The following XYLT2 variants were observed in gnomAD, a reference collection of about 807,000 sequenced individuals.
XYLT2 encodes UDP-D-xylose:proteoglycan core protein beta-D-xylosyltransferase.
A neutral mutation model predicts 82.6 loss-of-function variants in XYLT2; 37 were observed. The observed-to-expected ratio is 0.45, with a 90% CI of 0.34 to 0.59. The LOEUF (loss-of-function observed/expected upper bound fraction) is 0.59. Ranked by LOEUF, XYLT2 falls within the 20% of genes least tolerant of loss-of-function variation. XYLT2 has a pLI of 0.01. For missense variants in XYLT2, 934 were observed against 1,181.3 expected, an observed-to-expected ratio of 0.79 and a Z score of 3.07; for synonymous variants, 474 against 499.0, an observed-to-expected ratio of 0.95 and a Z score of 0.67.
Position 50,346,173 on chromosome 17 carries a change from G to A in XYLT2, c.33G>A (p.Val11=), listed in dbSNP as rs1413981179. 3 of 1,287,164 alleles carry A rather than the reference G, an allele frequency of 2.3e-6. No individual in the cohort carries two copies. In the South Asian group the frequency reaches 4.4e-5, roughly 19 times the overall value. 79.7% of individuals were successfully genotyped at this position (1,287,164 alleles called of 1,614,324 possible). A position where few individuals can be genotyped will look rare whatever the true frequency, so the allele number is the denominator to read the frequency against. Residue 11 remains valine (V), a synonymous_variant, in exon 1 of 11, where the codon GTG becomes GTA. Transcript: ENST00000017003. The surrounding 1 kb of genome is among the most constrained non-coding windows in gnomAD (Gnocchi z 5.1). ...CGAGCGCGCGAGTGCAGAAGCTGGT[G>A]CGGCGCTACAAGCTGGCGATTGCCA... MVASARVQKL[V]RRYKLAIATA...
In XYLT2 at chr17:50,357,504, A is replaced by G. The variant is rs184144524; in HGVS notation, c.1941+252A>G. The G allele has an allele frequency of 5.1e-3, 2,236 of 440,966 alleles. 10 individuals carry two copies. Among genetic ancestry groups the G allele is most frequent in the Non-Finnish European group, 6.9e-3 (1,731 of 251,558 alleles). The allele number at this position is 440,966 out of a possible 1,614,324, so 27.3% of individuals were successfully genotyped here. On this transcript the variant is annotated intron_variant, in intron 9 of 10. Coordinates refer to ENST00000017003, the MANE Select transcript of XYLT2 (RefSeq NM_022167.4). ...TCAGTTCCACTACAACACAAGCCCA[A>G]TCTTCCAGACTACAGAGATTTCGCC...
At chr17:50,349,254 C>T (rs1320439142) in intron 1 of XYLT2, among the ~76,000 whole-genome samples, 3 of 152,238 alleles carry the variant, frequency 2.0e-5, no homozygotes, top group Non-Finnish European at 4.4e-5. Flanking sequence ...TCTTTCTCTG[C>T]TTGTGCTCTG....
Position 50,353,727 on chromosome 17 carries a change from A to T in XYLT2, c.233A>T (p.His78Leu). Residue 78 changes from histidine (H) to leucine (L), a missense_variant, in exon 2 of 11, where the codon CAT (histidine) becomes CTT (leucine). Coordinates refer to ENST00000017003, the MANE Select transcript of XYLT2 (RefSeq NM_022167.4). ...AGRRGSTGRR[H>L]GRWRGRAESP... The stretch of plus-strand genomic sequence containing the variant: ...CGACGGGGCAGCACAGGCAGAAGGC[A>T]TGGGCGCTGGCGGGGCCGTGCTGAG... 1 of 1,560,084 alleles carries T rather than the reference A, an allele frequency of 6.4e-7. No individual in the cohort carries two copies. The highest frequency in any genetic ancestry group is 8.7e-7 in the Non-Finnish European group (1 of 1,151,770).
Position 50,361,018 on chromosome 17 carries a change from T to TG in XYLT2, c.*729dup. 1 of 985,798 alleles carries TG rather than the reference T, an allele frequency of 1.0e-6. No homozygotes were observed. Among genetic ancestry groups the TG allele is most frequent in the Non-Finnish European group, 1.2e-6 (1 of 829,946 alleles). The allele number at this position is 985,798 out of a possible 1,614,324, so 61.1% of individuals were successfully genotyped here. On this transcript the variant is annotated 3_prime_UTR_variant, in exon 11 of 11. Transcript: ENST00000017003. ...CCATGCAGAGTTTCCAGGTGTGCACTGGAAGTGAGGTCACATGAGCAGCGT... is the reference window on the plus strand; with the variant it reads ...CCATGCAGAGTTTCCAGGTGTGCACTGGGAAGTGAGGTCACATGAGCAGCGT...
chr17:50,356,454 C>T (rs910156935), intron 7 of XYLT2, 57 bp from the exon 8 acceptor site: 1 of 1,591,600 alleles, frequency 6.3e-7, no homozygotes, highest in Non-Finnish European at 8.6e-7. Context: ...GGGCCAGCCC[C>T]ACCATGCCCT....
chr17:50,347,254 C>T (rs1598346505), intron 1 of XYLT2, among the ~76,000 whole-genome samples: 1 of 152,142 alleles, frequency 6.6e-6, no homozygotes, highest in Non-Finnish European at 1.5e-5. Flanking sequence ...GTTCTGCTGC[C>T]TCCAGGGCTC....
At chr17:50,348,287 AG>A (rs1470789067) in intron 1 of XYLT2, among the ~76,000 whole-genome samples, 4 of 152,190 alleles carry the variant, frequency 2.6e-5, no homozygotes, top group Non-Finnish European at 5.9e-5. Flanking sequence ...GGCTTAGATC[AG>A]GGGGTCAGGA....
In XYLT2 at chr17:50,357,236, G is replaced by A. The variant is rs937890680; in HGVS notation, c.1925G>A (p.Arg642Gln). 1 of 1,598,616 alleles carries A rather than the reference G, an allele frequency of 6.3e-7. No homozygotes were observed. The highest frequency in any genetic ancestry group is 8.5e-7 in the Non-Finnish European group (1 of 1,174,962). ...TTGGGGCGCAGTGACCAGGCCAGCCGGCTCCAGAGTCTGGAGGTGGGACAG... is the reference window on the plus strand; with the variant it reads ...TTGGGGCGCAGTGACCAGGCCAGCCAGCTCCAGAGTCTGGAGGTGGGACAG... Reference protein sequence around the residue: ...KLLGRSDQASRLQSLEVGTDW... With the variant: ...KLLGRSDQASQLQSLEVGTDW... The change falls in exon 9 of 11, where the codon CGG (arginine) becomes CAG (glutamine). Residue 642 changes from arginine to glutamine, a missense_variant. This residue lies in a region of XYLT2 where 374 missense variants were observed against 465.6 expected (regional missense o/e 0.80). Coordinates refer to ENST00000017003, the MANE Select transcript of XYLT2 (RefSeq NM_022167.4).
intron 2 of XYLT2, 86 bp downstream of exon 2, chr17:50,354,208 A>G (rs375577827): frequency 2.5e-6 from 4 of 1,576,892 alleles, no homozygotes; most frequent in Non-Finnish European, 1.7e-6. Context: ...TCTCTGAGGA[A>G]GAAAGAGCCA....
chr17:50,354,044 G>T lies in XYLT2; in HGVS notation c.550G>T (p.Glu184Ter). The change falls in exon 2 of 11, where the codon GAG (glutamate) becomes TAG (stop). Residue 184 changes from glutamate to a stop codon, truncating the protein, a stop_gained. Coordinates refer to ENST00000017003, the MANE Select transcript of XYLT2 (RefSeq NM_022167.4). LOFTEE classifies it high-confidence loss of function. ...ARASTKQCQQ[E>*]IANVVCLHQA... Reference sequence around the variant, plus strand: ...GGCCAGCACCAAGCAGTGCCAGCAGGAGATCGCCAATGTGGTGTGCCTGCA... The same window carrying T: ...GGCCAGCACCAAGCAGTGCCAGCAGTAGATCGCCAATGTGGTGTGCCTGCA... 6.2e-7 allele frequency: 1 copy of T among 1,608,490 alleles called. No homozygotes were observed.
chr17:50,359,425 T>C (rs567892407), intron 10 of XYLT2: 18 of 153,112 alleles, frequency 1.2e-4, no homozygotes, highest in Non-Finnish European at 2.6e-4. Context: ...TGGGGTACCC[T>C]AGAGGAGGAG....
rs1045074700 is a variant in XYLT2, at chr17:50,360,786, C to G, written c.*495C>G. 2.0e-5 allele frequency: 20 copies of G among 986,050 alleles called. No individual in the cohort carries two copies. The highest frequency in any genetic ancestry group is 1.0e-3 in the Middle Eastern group (2 of 1,914). The allele number at this position is 986,050 out of a possible 1,614,324, so 61.1% of individuals were successfully genotyped here. On this transcript the variant is annotated 3_prime_UTR_variant, in exon 11 of 11. Coordinates refer to ENST00000017003, the MANE Select transcript of XYLT2 (RefSeq NM_022167.4). ...TGCCCCATTCTGGGCCTGTGGTGCT[C>G]GTGGCTGAGGCTCCACAGGGCTGCA...
In XYLT2 at chr17:50,358,276, G is replaced by A. The variant is rs1912639420; in HGVS notation, c.2011G>A (p.Glu671Lys). Residue 671 changes from glutamate to lysine, a missense_variant, in exon 10 of 11, where the codon GAG (glutamate) becomes AAG (lysine). Glu to Lys is a moderately conservative substitution (Grantham distance 56, BLOSUM62 1). Transcript: ENST00000017003. ...TGGGGGGTTACTGGGGCCGCTGGAC[G>A]AGCCTGTGGCCGTGCAGCGCTGGGC... is the stretch of plus-strand genomic sequence containing the variant. ...NFGGLLGPLDEPVAVQRWARG... is the reference protein window; with the variant it reads ...NFGGLLGPLDKPVAVQRWARG... 8 of 1,613,168 alleles carry A rather than the reference G, an allele frequency of 5.0e-6. No individual in the cohort carries two copies. The highest frequency in any genetic ancestry group is 1.1e-5 in the South Asian group (1 of 91,072).
Position 50,353,892 on chromosome 17 carries a change from T to TA in XYLT2, c.399dup (p.Gly134ArgfsTer87). ...GGGGCAGCAGCTGGGGAGGCGCTGG[T>TA]AGGGGCAGCTGGCTTCCCACCACAC... On this transcript the variant is annotated frameshift_variant, in exon 2 of 11. Coordinates refer to ENST00000017003, the MANE Select transcript of XYLT2 (RefSeq NM_022167.4). LOFTEE classifies it high-confidence loss of function. 6.2e-7 allele frequency: 1 copy of TA among 1,608,670 alleles called. No individual in the cohort carries two copies. Among genetic ancestry groups the TA allele is most frequent in the Non-Finnish European group, 8.5e-7 (1 of 1,179,524 alleles).
intron 1 of XYLT2, among the ~76,000 whole-genome samples, chr17:50,350,368 C>G (rs1912210689): frequency 9.3e-6 from 1 of 107,340 alleles, no homozygotes; most frequent in Admixed American, 8.5e-5. Flanking sequence ...GAGTTCGAGA[C>G]CAGCCTGGCC....
Position 50,356,015 on chromosome 17 carries a change from C to G in XYLT2, c.1305+18C>G. Reference sequence around the variant, plus strand: ...CAGCCGAGGTGGGTAGCCCAGCAGGCATGAAGGCCAGGGAGGGCGTGGGTT... The same window carrying G: ...CAGCCGAGGTGGGTAGCCCAGCAGGGATGAAGGCCAGGGAGGGCGTGGGTT... On this transcript the variant is annotated intron_variant, in intron 6 of 10. Transcript: ENST00000017003. 6.2e-7 allele frequency: 1 copy of G among 1,614,226 alleles called. No individual in the cohort carries two copies. Among genetic ancestry groups the G allele is most frequent in the Non-Finnish European group, 8.5e-7 (1 of 1,180,022 alleles).
chr17:50,350,743 G>A (rs1912232566), intron 1 of XYLT2, among the ~76,000 whole-genome samples: 1 of 152,168 alleles, frequency 6.6e-6, no homozygotes, highest in African/African-American at 2.4e-5. Flanking sequence ...GAAATATTGT[G>A]CGATGGTGAA....
chr17:50,357,261 G>A lies in XYLT2; in HGVS notation c.1941+9G>A, dbSNP rs1288860932. On this transcript the variant is annotated intron_variant, in intron 9 of 10. Transcript: ENST00000017003. ...GGCTCCAGAGTCTGGAGGTGGGACAGGTCCCCCACTTGCTTTCTCCCAACC... is the reference window on the plus strand; with the variant it reads ...GGCTCCAGAGTCTGGAGGTGGGACAAGTCCCCCACTTGCTTTCTCCCAACC... 6.4e-7 allele frequency: 1 copy of A among 1,567,588 alleles called. No homozygotes were observed. Among genetic ancestry groups the A allele is most frequent in the South Asian group, 1.2e-5 (1 of 86,642 alleles).
intron 9 of XYLT2, chr17:50,357,590 G>GTA: frequency 9.6e-6 from 2 of 209,140 alleles, no homozygotes; most frequent in Admixed American, 6.0e-5. Flanking sequence ...GCTCCTCATA[G>GTA]TCTTTTTTTT....
Sources: gnomAD v4.1 joint callset for allele counts (sites outside exome capture counted in the v4.1 genomes callset) on GRCh38, gnomAD v4.1.1 for gene constraint, gnomAD v4.1.1 regional missense constraint, Gnocchi (gnomAD v3.1) non-coding constraint, MANE v1.5 for transcripts, NCBI Gene and HGNC (gene_info 2026-07-23, HGNC 2026-07-21) for gene names.